Variants in PALD1 observed in about 807,000 individuals in gnomAD.
PALD1 encodes phosphatase domain containing paladin 1.
In PALD1, 57 loss-of-function variants were observed where a neutral mutation model predicts 96.0. The observed-to-expected ratio is 0.59, with a 90% CI of 0.48 to 0.74. The LOEUF (loss-of-function observed/expected upper bound fraction) is 0.74. PALD1 is among the 30% of genes least tolerant of loss of function. The pLI is 0.00. For missense variants in PALD1, 1,063 were observed against 1,143.7 expected (o/e 0.93, Z 1.02); for synonymous variants, 464 against 473.6 (o/e 0.98, Z 0.26).
rs773795212 is a variant in PALD1, at chr10:70,525,932, C to A, written c.-20C>A. 1.2e-6 allele frequency: 2 copies of A among 1,613,550 alleles called. No homozygotes were observed. Among genetic ancestry groups the A allele is most frequent in the South Asian group, 1.1e-5 (1 of 91,044 alleles). On this transcript the variant is annotated 5_prime_UTR_variant, in exon 2 of 20. Transcript: ENST00000263563. ...CCCTCTTATCCTACAGGTCTGGGGT[C>A]CTGAGGCTGCTGGCAGACTATGGGT...
At chr10:70,477,398 G>A (rs1845842934), upstream of PALD1, among the ~76,000 whole-genome samples, 3 of 152,350 alleles carry the variant, frequency 2.0e-5, no homozygotes, top group Middle Eastern at 6.8e-3. Flanking sequence ...AGTAAATTGT[G>A]AGCCACTTTG....
the PALD1 span, among the ~76,000 whole-genome samples, chr10:70,470,281 A>T: frequency 2.6e-5 from 4 of 152,234 alleles, no homozygotes; most frequent in East Asian, 7.7e-4. Flanking sequence ...AGAATCAATT[A>T]TACTATTCTC....
chr10:70,541,439 G>T, intron 16 of PALD1, 24 bp from the exon 17 acceptor site: 1 of 1,611,504 alleles, frequency 6.2e-7, no homozygotes, highest in Non-Finnish European at 8.5e-7. Context: ...GGGGGCTTCT[G>T]TCTCAGCAGC....
intron 12 of PALD1, 100 bp from the exon 13 acceptor site, chr10:70,538,792 G>A (rs765619634): frequency 2.5e-5 from 24 of 972,854 alleles, no homozygotes; most frequent in Non-Finnish European, 3.9e-5. Flanking sequence ...TGTGAAGCTC[G>A]GGTTCCACCC....
In PALD1 at chr10:70,566,718, C is replaced by T. The variant is rs372010638; in HGVS notation, c.2556C>T (p.Pro852=). ...GCTGCAGCCTCGAGCCCTCTGCCCC[C>T]GAGGACTTGCTGTAGGGGGCCTTAC... ...EQSCSLEPSA[P]EDLL The change falls in exon 20 of 20, where the codon CCC becomes CCT. Residue 852 remains proline, a synonymous_variant. Transcript: ENST00000263563. 7.1e-5 allele frequency: 113 copies of T among 1,598,062 alleles called. 1 individual carries two copies. The highest frequency in any genetic ancestry group is 1.1e-4 in the South Asian group (10 of 88,580).
intron 1 of PALD1, among the ~76,000 whole-genome samples, chr10:70,497,789 A>G (rs915304845): frequency 1.3e-5 from 2 of 151,908 alleles, no homozygotes; most frequent in Non-Finnish European, 2.9e-5. Flanking sequence ...GTTAACCAGG[A>G]TGGTCTTGAT....
At chr10:70,524,499 A>G (rs775838950) in intron 1 of PALD1, among the ~76,000 whole-genome samples, 5 of 152,224 alleles carry the variant, frequency 3.3e-5, no homozygotes, top group Non-Finnish European at 7.3e-5. Context: ...GGTTTTAACC[A>G]TATTACCCAG....
chr10:70,459,847 G>A, the PALD1 span, among the ~76,000 whole-genome samples: 1 of 152,064 alleles, frequency 6.6e-6, no homozygotes, highest in Admixed American at 6.6e-5. Flanking sequence ...ACGCCACTCT[G>A]CCCTGTGCCC....
At chr10:70,502,421 G>T (rs1293661742) in intron 1 of PALD1, among the ~76,000 whole-genome samples, 2 of 149,658 alleles carry the variant, frequency 1.3e-5, no homozygotes, top group East Asian at 3.9e-4. Context: ...AATATCAACA[G>T]AACTGTACTG....
chr10:70,486,717 C>T (rs552756187), intron 1 of PALD1, among the ~76,000 whole-genome samples: 12 of 152,210 alleles, frequency 7.9e-5, no homozygotes, highest in Non-Finnish European at 1.3e-4. Flanking sequence ...GCTGAGGTTG[C>T]GCCACTGCAC....
intron 19 of PALD1, 108 bp downstream of exon 19, chr10:70,564,627 G>A: frequency 9.8e-7 from 1 of 1,015,232 alleles, no homozygotes; most frequent in Non-Finnish European, 1.5e-6. Flanking sequence ...CCCGTGACAG[G>A]CGGGAAGAGC....
chr10:70,509,981 C>T (rs1846480626), intron 1 of PALD1, among the ~76,000 whole-genome samples: 1 of 152,202 alleles, frequency 6.6e-6, no homozygotes, highest in Non-Finnish European at 1.5e-5. Context: ...CTGTGCCGAA[C>T]TCTTGGAAAG....
At chr10:70,489,403 C>T (rs894735640) in intron 1 of PALD1, among the ~76,000 whole-genome samples, 1 of 152,194 alleles carries the variant, frequency 6.6e-6, no homozygotes, top group African/African-American at 2.4e-5. Flanking sequence ...TAAGTTTTCC[C>T]TAACTTAACA....
intron 1 of PALD1, among the ~76,000 whole-genome samples, chr10:70,508,112 C>T (rs574827426): frequency 2.2e-4 from 34 of 152,322 alleles, no homozygotes; most frequent in Admixed American, 1.2e-3. Context: ...TCAAACTTCG[C>T]TGCTCCACGG....
At chr10:70,463,900 A>G in the PALD1 span, among the ~76,000 whole-genome samples, 1 of 152,204 alleles carries the variant, frequency 6.6e-6, no homozygotes, top group Non-Finnish European at 1.5e-5. Flanking sequence ...GACAGAGCAC[A>G]CTTGACCAGT....
chr10:70,530,690 C>A (rs1200022111), intron 4 of PALD1, among the ~76,000 whole-genome samples: 1 of 152,138 alleles, frequency 6.6e-6, no homozygotes, highest in Non-Finnish European at 1.5e-5. Flanking sequence ...TCTGAATTGA[C>A]CCCGGAGTTA....
chr10:70,492,564 C>T (rs1433349320), intron 1 of PALD1, among the ~76,000 whole-genome samples: 5 of 138,992 alleles, frequency 3.6e-5, no homozygotes. Flanking sequence ...TCAGACAATT[C>T]TCCTGCCTCA....
chr10:70,458,893 C>G, the PALD1 span, among the ~76,000 whole-genome samples: 2 of 152,214 alleles, frequency 1.3e-5, no homozygotes, highest in African/African-American at 4.8e-5. Flanking sequence ...ACGCGGGGGG[C>G]CCCCATTTGG....
At chr10:70,481,336 A>G (rs1017790526) in intron 1 of PALD1, among the ~76,000 whole-genome samples, 1 of 152,224 alleles carries the variant, frequency 6.6e-6, no homozygotes, top group Admixed American at 6.5e-5. Flanking sequence ...TGCGTGGCAC[A>G]GTGCCCGGAA....
Sources: gnomAD v4.1 joint callset for allele counts (sites outside exome capture counted in the v4.1 genomes callset) on GRCh38, gnomAD v4.1.1 for gene constraint, MANE v1.5 for transcripts, NCBI Gene and HGNC (gene_info 2026-07-23, HGNC 2026-07-21) for gene names.